FKBP4: variants seen among roughly 807,000 people sequenced by gnomAD.
The protein encoded by FKBP4 is peptidyl-prolyl cis-trans isomerase FKBP4.
In FKBP4, 28 loss-of-function variants were observed where a neutral mutation model predicts 54.1. That is an observed-to-expected ratio of 0.52 (90% confidence interval 0.38 to 0.71). The LOEUF (loss-of-function observed/expected upper bound fraction) is 0.71, where lower values mean the gene tolerates loss of function less well. Among genes scored for constraint, FKBP4 ranks in the 30% least tolerant of loss-of-function variants. The pLI is 0.00. For missense variants in FKBP4, 493 were observed against 574.4 expected (o/e 0.86, Z 1.45); for synonymous variants, 223 against 216.1 (o/e 1.03, Z -0.28).
rs1047488334 is a variant in FKBP4, at chr12:2,804,560, A to G, written c.*1302A>G. 1 of 152,360 alleles carries G rather than the reference A, an allele frequency of 6.6e-6. No homozygotes were observed. Among genetic ancestry groups the G allele is most frequent in the African/African-American group, 2.4e-5 (1 of 41,464 alleles). 9.4% of individuals were successfully genotyped at this position (152,360 alleles called of 1,614,324 possible). A position where few individuals can be genotyped will look rare whatever the true frequency, so the allele number is the denominator to read the frequency against. On this transcript the variant is annotated 3_prime_UTR_variant, in exon 10 of 10. Transcript: ENST00000001008. ...TGGGAGAAGCCAGGCAGCACAAGCC[A>G]GTCATGCTGAGCTGCCTCCAGATAA...
rs761366011 is a variant in FKBP4, at chr12:2,803,299, C to G, written c.*41C>G. The G allele has an allele frequency of 1.7e-5, 23 of 1,366,560 alleles. No individual in the cohort carries two copies. In the East Asian group the frequency reaches 5.5e-4, roughly 32 times the overall value. The allele number at this position is 1,366,560 out of a possible 1,614,324, so 84.7% of individuals were successfully genotyped here. A position where few individuals can be genotyped will look rare whatever the true frequency, so the allele number is the denominator to read the frequency against. On this transcript the variant is annotated 3_prime_UTR_variant, in exon 10 of 10. Coordinates refer to ENST00000001008, the MANE Select transcript of FKBP4 (RefSeq NM_002014.4). ...CCTACTCCTGCGGCTGCCTGCCCCC[C>G]AGTCTCCCCACTCCACCCTGTTAGT...
intron 5 of FKBP4, among the ~76,000 whole-genome samples, chr12:2,799,605 T>C (rs112727221): frequency 1.6e-3 from 247 of 152,336 alleles, no homozygotes; most frequent in African/African-American, 5.7e-3. Flanking sequence ...TTCTAGCTCA[T>C]TGTTTAGTGA....
chr12:2,795,615 G>C lies in FKBP4; in HGVS notation c.105+371G>C. On this transcript the variant is annotated intron_variant, in intron 1 of 9. Transcript: ENST00000001008. The surrounding 1 kb of genome is among the most constrained non-coding windows in gnomAD (Gnocchi z 4.3). ...GCACCCGAGCCGCAGCCCGGGGCCA[G>C]GCCGGGCCTCCCACGCCACGCCGCC... 6.8e-6 allele frequency: 1 copy of C among 147,774 alleles called. No individual in the cohort carries two copies. Among genetic ancestry groups the C allele is most frequent in the South Asian group, 2.1e-4 (1 of 4,818 alleles). 9.2% of individuals were successfully genotyped at this position (147,774 alleles called of 1,614,324 possible).
chr12:2,799,949 G>T lies in FKBP4; in HGVS notation c.762+9G>T. On this transcript the variant is annotated intron_variant, in intron 6 of 9. Transcript: ENST00000001008. ...TCAAGAGTTTTGAAAAGGTAAGTTTGCTCAGGGTCTTCCCATCTAAAGTCA... is the reference window on the plus strand; with the variant it reads ...TCAAGAGTTTTGAAAAGGTAAGTTTTCTCAGGGTCTTCCCATCTAAAGTCA... The T allele has an allele frequency of 6.2e-7, 1 of 1,614,016 alleles. No homozygotes were observed. Among genetic ancestry groups the T allele is most frequent in the Non-Finnish European group, 8.5e-7 (1 of 1,179,866 alleles).
rs968450436 is a variant in FKBP4, at chr12:2,798,891, C to A, written c.514+65C>A. The A allele has an allele frequency of 3.3e-5, 51 of 1,555,406 alleles. No individual in the cohort carries two copies. The highest frequency in any genetic ancestry group is 4.2e-5 in the Non-Finnish European group (47 of 1,130,148). ...TATTTAGGCCTTGTGTGGCTTTGGG[C>A]AAGACACTTCCGTTCTCCGAGCCTA... On this transcript the variant is annotated intron_variant, in intron 4 of 9. Transcript: ENST00000001008. The surrounding 1 kb of genome is among the most constrained non-coding windows in gnomAD (Gnocchi z 4.3).
In FKBP4 at chr12:2,803,478, C is replaced by T. The variant is rs2097905975; in HGVS notation, c.*220C>T. 3.6e-6 allele frequency: 2 copies of T among 552,452 alleles called. No homozygotes were observed. Among genetic ancestry groups the T allele is most frequent in the South Asian group, 2.2e-5 (1 of 45,110 alleles). The allele number at this position is 552,452 out of a possible 1,614,324, so 34.2% of individuals were successfully genotyped here. ...CAGCCCCTCTTCCCTTCCTCCATTGCACATGAACATATGTCCATCCATATA... is the reference window on the plus strand; with the variant it reads ...CAGCCCCTCTTCCCTTCCTCCATTGTACATGAACATATGTCCATCCATATA... On this transcript the variant is annotated 3_prime_UTR_variant, in exon 10 of 10. Coordinates refer to ENST00000001008, the MANE Select transcript of FKBP4 (RefSeq NM_002014.4).
At position 2,795,807 on chromosome 12, in the gene FKBP4, C is replaced by T. The variant is rs1176992183; in HGVS notation, c.105+563C>T. Reference sequence around the variant, plus strand: ...TGTGCGACGCAGGCGCGACAGGGTTCCGGCGCCCTCCCGGGGTCCCCTGCC... The same window carrying T: ...TGTGCGACGCAGGCGCGACAGGGTTTCGGCGCCCTCCCGGGGTCCCCTGCC... On this transcript the variant is annotated intron_variant, in intron 1 of 9. Coordinates refer to ENST00000001008, the MANE Select transcript of FKBP4 (RefSeq NM_002014.4). This position sits in a 1 kb window ranked among gnomAD's most constrained non-coding sequence, Gnocchi z 4.3. 3.8e-6 allele frequency: 1 copy of T among 261,230 alleles called. No individual in the cohort carries two copies. Among genetic ancestry groups the T allele is most frequent in the Non-Finnish European group, 6.0e-6 (1 of 167,158 alleles). The allele number at this position is 261,230 out of a possible 1,614,324, so 16.2% of individuals were successfully genotyped here.
At chr12:2,799,966 C>G (rs1423364258) in intron 6 of FKBP4, 26 bp downstream of exon 6, 2 of 1,613,440 alleles carry the variant, frequency 1.2e-6, no homozygotes, top group Admixed American at 3.3e-5. Flanking sequence ...GTCTTCCCAT[C>G]TAAAGTCAAG....
chr12:2,799,781 G>A (rs886617292), intron 5 of FKBP4, 69 bp from the exon 6 acceptor site: 52 of 1,348,066 alleles, frequency 3.9e-5, no homozygotes, highest in Non-Finnish European at 5.3e-5. Context: ...GAAATGGACA[G>A]GAAGCCTTTT....
rs757630947 is a variant in FKBP4 at position 2,800,594 on chromosome 12, G to A, written c.1032+17G>A. 7 of 1,576,762 alleles carry A rather than the reference G, an allele frequency of 4.4e-6. No homozygotes were observed. The East Asian group carries it at 1.6e-4, about 35-fold the overall frequency. ...TGTAACAAGGTGAGGCCCCCTCAGA[G>A]GTCATGGAAGCAGCATTCACAGGCA... is the stretch of plus-strand genomic sequence containing the variant. On this transcript the variant is annotated intron_variant, in intron 8 of 9. Transcript: ENST00000001008.
In FKBP4 at chr12:2,797,722, C is replaced by T. The variant is rs1210175946; in HGVS notation, c.251-7C>T. 5 of 1,608,936 alleles carry T rather than the reference C, an allele frequency of 3.1e-6. No homozygotes were observed. The highest frequency in any genetic ancestry group is 4.2e-6 in the Non-Finnish European group (5 of 1,176,504). On this transcript the variant is annotated splice_region_variant and splice_polypyrimidine_tract_variant and intron_variant, in intron 2 of 9. Transcript: ENST00000001008. The stretch of plus-strand genomic sequence containing the variant: ...TAAGGCGGTCCTGTTTGCTTCTGTA[C>T]CTGCAGGGGAGGTCATCAAGGCTTG...
chr12:2,797,412 T>TA, intron 2 of FKBP4, 130 bp downstream of exon 2: 2 of 1,038,014 alleles, frequency 1.9e-6, no homozygotes, highest in Non-Finnish European at 2.7e-6. Flanking sequence ...TTTCGGTCAC[T>TA]CTTTTTTTTT....
chr12:2,804,979 T>G lies in FKBP4; in HGVS notation c.*1721T>G. 3.3e-6 allele frequency: 1 copy of G among 303,144 alleles called. No homozygotes were observed. The allele number at this position is 303,144 out of a possible 1,614,324, so 18.8% of individuals were successfully genotyped here. A position where few individuals can be genotyped will look rare whatever the true frequency, so the allele number is the denominator to read the frequency against. On this transcript the variant is annotated 3_prime_UTR_variant, in exon 10 of 10. Coordinates refer to ENST00000001008, the MANE Select transcript of FKBP4 (RefSeq NM_002014.4). ...TTACCTCACATCACAGCCCTGTGTT[T>G]GTGGTTTGTGTCTGGGTCCTCTTGG...
chr12:2,797,945 C>A, intron 3 of FKBP4, 74 bp downstream of exon 3: 1 of 1,527,954 alleles, frequency 6.5e-7, no homozygotes, highest in Non-Finnish European at 8.9e-7. Context: ...TGCCCTCCAG[C>A]CCTTCCTGCT....
rs923368432 is a variant in FKBP4 at position 2,804,980 on chromosome 12, G to C, written c.*1722G>C. On this transcript the variant is annotated 3_prime_UTR_variant, in exon 10 of 10. Coordinates refer to ENST00000001008, the MANE Select transcript of FKBP4 (RefSeq NM_002014.4). ...TACCTCACATCACAGCCCTGTGTTT[G>C]TGGTTTGTGTCTGGGTCCTCTTGGT... 6.6e-6 allele frequency: 2 copies of C among 302,584 alleles called. No individual in the cohort carries two copies. The highest frequency in any genetic ancestry group is 1.3e-5 in the Non-Finnish European group (2 of 153,606). 18.7% of individuals were successfully genotyped at this position (302,584 alleles called of 1,614,324 possible).
intron 1 of FKBP4, chr12:2,796,014 T>C: frequency 8.7e-7 from 1 of 1,151,434 alleles, no homozygotes; most frequent in Non-Finnish European, 1.1e-6. Context: ...TGCCGCCGAG[T>C]GACCGCTCGA....
At chr12:2,801,061 A>C (rs184990223) in intron 8 of FKBP4, 56 bp from the exon 9 acceptor site, 7 of 1,605,474 alleles carry the variant, frequency 4.4e-6, no homozygotes, top group Non-Finnish European at 6.0e-6. Flanking sequence ...AGTCTAGGCC[A>C]GATGAGCTAC....
rs1438746119 is a variant in FKBP4 at position 2,805,143 on chromosome 12, A to G, written c.*1885A>G. 2 of 455,888 alleles carry G rather than the reference A, an allele frequency of 4.4e-6. No homozygotes were observed. Among genetic ancestry groups the G allele is most frequent in the African/African-American group, 2.0e-5 (1 of 50,084 alleles). 28.2% of individuals were successfully genotyped at this position (455,888 alleles called of 1,614,324 possible). A position where few individuals can be genotyped will look rare whatever the true frequency, so the allele number is the denominator to read the frequency against. ...CTTGCAACCATCCTACAAAGAAGGT[A>G]TAACTTTAATAACCCTATTTACAGA... On this transcript the variant is annotated 3_prime_UTR_variant, in exon 10 of 10. Transcript: ENST00000001008.
intron 5 of FKBP4, 31 bp downstream of exon 5, chr12:2,799,275 G>A (rs773330299): frequency 6.8e-7 from 1 of 1,464,634 alleles, no homozygotes; most frequent in Non-Finnish European, 9.0e-7. Context: ...AGGGTAGGCA[G>A]GCAGGCAAAC....
Sources: allele counts gnomAD v4.1 joint callset (sites outside exome capture counted in the v4.1 genomes callset), GRCh38; gene constraint gnomAD v4.1.1; non-coding constraint Gnocchi (gnomAD v3.1); transcripts MANE v1.5; gene names NCBI Gene and HGNC (gene_info 2026-07-23, HGNC 2026-07-21).